SLC36A1: variants seen among roughly 807,000 people sequenced by gnomAD.
The protein encoded by SLC36A1 is proton-coupled amino acid transporter 1.
SLC36A1 carries 30 observed loss-of-function variants against 47.5 expected under a neutral mutation model. The observed-to-expected ratio is 0.63, with a 90% CI of 0.47 to 0.86. SLC36A1 has a LOEUF of 0.86. SLC36A1 is among the 40% of genes least tolerant of loss of function. The pLI, the probability that SLC36A1 is intolerant of heterozygous loss-of-function variation, is 0.00. For missense variants in SLC36A1, 517 were observed against 606.0 expected, an observed-to-expected ratio of 0.85 and a Z score of 1.54; for synonymous variants, 255 against 249.7, an observed-to-expected ratio of 1.02 and a Z score of -0.20.
chr5:151,527,679 A>G, the SLC36A1 span, among the ~76,000 whole-genome samples: 2 of 152,162 alleles, frequency 1.3e-5, no homozygotes, highest in East Asian at 3.8e-4. Flanking sequence ...AATCCTTATA[A>G]AACATTTAGG....
chr5:151,396,783 A>G, the SLC36A1 span, among the ~76,000 whole-genome samples: 1 of 152,174 alleles, frequency 6.6e-6, no homozygotes, highest in African/African-American at 2.4e-5. Context: ...ATATTGTTTG[A>G]CTACAACCCT....
chr5:151,403,769 A>G, the SLC36A1 span, among the ~76,000 whole-genome samples: 1 of 152,110 alleles, frequency 6.6e-6, no homozygotes. Flanking sequence ...TTTTTATTCC[A>G]CTGTGGCCCA....
chr5:151,345,950 C>T, the SLC36A1 span, among the ~76,000 whole-genome samples: 4 of 152,178 alleles, frequency 2.6e-5, no homozygotes, highest in Non-Finnish European at 5.9e-5. Flanking sequence ...AGAAACTGGA[C>T]ACAAAGAAGT....
chr5:151,368,770 C>T, the SLC36A1 span, among the ~76,000 whole-genome samples: 531 of 152,174 alleles, frequency 3.5e-3, 4 homozygotes, highest in Non-Finnish European at 5.9e-3. Flanking sequence ...AATGACTTGT[C>T]CTATCCATGC....
At chr5:151,398,529 C>T in the SLC36A1 span, among the ~76,000 whole-genome samples, 1 of 152,112 alleles carries the variant, frequency 6.6e-6, no homozygotes, top group African/African-American at 2.4e-5. Context: ...ACTGAAGAAA[C>T]CTGTTTCCTT....
chr5:151,497,992 C>T, the SLC36A1 span, among the ~76,000 whole-genome samples: 1 of 151,060 alleles, frequency 6.6e-6, no homozygotes, highest in Non-Finnish European at 1.5e-5. Context: ...ATCCCCCAGG[C>T]TGGAGTACAA....
the SLC36A1 span, among the ~76,000 whole-genome samples, chr5:151,404,593 GA>G: frequency 1.3e-5 from 2 of 152,110 alleles, no homozygotes; most frequent in African/African-American, 2.4e-5. Context: ...GATTTCTTTT[GA>G]GGCTGCTCTA....
At chr5:151,375,023 G>A in the SLC36A1 span, among the ~76,000 whole-genome samples, 1 of 150,954 alleles carries the variant, frequency 6.6e-6, no homozygotes, top group Non-Finnish European at 1.5e-5. Context: ...TGTTCACTTT[G>A]TTAATTATTA....
chr5:151,409,748 T>A, the SLC36A1 span, among the ~76,000 whole-genome samples: 6 of 152,224 alleles, frequency 3.9e-5, no homozygotes, highest in African/African-American at 1.4e-4. Context: ...AAGGCCACAC[T>A]CTGCAAAGCA....
At position 151,476,623 on chromosome 5, in the gene SLC36A1, CG is replaced by C; in HGVS notation, c.858del (p.Lys287SerfsTer36). Reference sequence around the variant, plus strand: ...CCTGGAAAACAAAATGAAGGATCCTCGGAAGTTCCCACTCATCCTGTACCTG... The same window carrying C: ...CCTGGAAAACAAAATGAAGGATCCTCGAAGTTCCCACTCATCCTGTACCTG... ...LPLENKMKDPRKFPLILYLGM... is the reference protein window; with the variant it reads ...LPLENKMKDPXKFPLILYLGM... On this transcript the variant is annotated frameshift_variant, in exon 9 of 11. Coordinates refer to ENST00000243389, the MANE Select transcript of SLC36A1 (RefSeq NM_078483.4). LOFTEE classifies it high-confidence loss of function. 6.2e-7 allele frequency: 1 copy of C among 1,604,674 alleles called. No homozygotes were observed. Among genetic ancestry groups the C allele is most frequent in the Non-Finnish European group, 8.5e-7 (1 of 1,175,574 alleles).
At chr5:151,529,045 C>T in the SLC36A1 span, 2 of 723,250 alleles carry the variant, frequency 2.8e-6, no homozygotes, top group African/African-American at 1.8e-5. Flanking sequence ...AAACCTCTGA[C>T]AAGTCAGAGT....
the SLC36A1 span, among the ~76,000 whole-genome samples, chr5:151,553,695 T>A: frequency 1.3e-5 from 2 of 152,240 alleles, no homozygotes; most frequent in African/African-American, 4.8e-5. Flanking sequence ...TACATACATA[T>A]GCCCTTTGCT....
chr5:151,441,175 C>G (rs574117923), intron 1 of SLC36A1, among the ~76,000 whole-genome samples: 1 of 152,178 alleles, frequency 6.6e-6, no homozygotes, highest in East Asian at 1.9e-4. Context: ...GTGGCATGCA[C>G]CTGTAGTCCC....
At chr5:151,505,982 T>C in the SLC36A1 span, 1 of 1,571,342 alleles carries the variant, frequency 6.4e-7, no homozygotes, top group East Asian at 2.2e-5. Context: ...CGACTGGGGT[T>C]GAGTGGCGGT....
At chr5:151,410,945 A>G in the SLC36A1 span, among the ~76,000 whole-genome samples, 3 of 144,584 alleles carry the variant, frequency 2.1e-5, 1 homozygote, top group South Asian at 5.0e-4. Flanking sequence ...GCAATTGCCA[A>G]ATGTCCACTG....
chr5:151,505,971 A>C, the SLC36A1 span: 3 of 1,571,536 alleles, frequency 1.9e-6, no homozygotes, highest in Non-Finnish European at 2.6e-6. Context: ...CTCTGGCATC[A>C]CGACTGGGGT....
chr5:151,546,190 A>G, the SLC36A1 span: 2 of 1,614,182 alleles, frequency 1.2e-6, no homozygotes, highest in Non-Finnish European at 1.7e-6. Context: ...ATGAATGATC[A>G]CTGTAGCCAG....
At chr5:151,473,806 C>G in intron 8 of SLC36A1, 35 bp downstream of exon 8, 1 of 1,488,414 alleles carries the variant, frequency 6.7e-7, no homozygotes, top group Non-Finnish European at 9.4e-7. Context: ...CTAGTGTTCT[C>G]TGGTGCCCTT....
chr5:151,415,219 C>T, the SLC36A1 span, among the ~76,000 whole-genome samples: 1 of 152,150 alleles, frequency 6.6e-6, no homozygotes, highest in Non-Finnish European at 1.5e-5. Flanking sequence ...CATACAGCAT[C>T]TAGACTGATC....
Sources: gnomAD v4.1 joint callset for allele counts (sites outside exome capture counted in the v4.1 genomes callset) on GRCh38, gnomAD v4.1.1 for gene constraint, MANE v1.5 for transcripts, NCBI Gene and HGNC (gene_info 2026-07-23, HGNC 2026-07-21) for gene names.